The following ARHGAP24 variants were observed in gnomAD, a reference collection of about 807,000 sequenced individuals.
The protein encoded by ARHGAP24 is rho GTPase-activating protein 24.
Under a neutral mutation model 76.4 loss-of-function variants are expected in ARHGAP24, and 50 were observed. The ratio of observed to expected loss-of-function variants is 0.65; its 90% CI spans 0.52 to 0.83. The LOEUF is 0.83. Among genes scored for constraint, ARHGAP24 ranks in the 40% least tolerant of loss-of-function variants. The pLI, the probability that ARHGAP24 is intolerant of heterozygous loss-of-function variation, is 0.00. For missense variants in ARHGAP24, 930 were observed against 914.2 expected (o/e 1.02, Z -0.22); for synonymous variants, 345 against 323.3 (o/e 1.07, Z -0.72).
intron 3 of ARHGAP24, among the ~76,000 whole-genome samples, chr4:85,798,037 A>G (rs762279686): frequency 2.7e-5 from 4 of 147,832 alleles, no homozygotes; most frequent in Non-Finnish European, 4.5e-5. Flanking sequence ...AAAGTCATCC[A>G]GCTTAGTCAA....
At chr4:85,732,873 T>C (rs1226782443) in intron 3 of ARHGAP24, among the ~76,000 whole-genome samples, 1 of 150,796 alleles carries the variant, frequency 6.6e-6, no homozygotes, top group Non-Finnish European at 1.5e-5. Context: ...TTGTATTTTT[T>C]TTTTTTTAGT....
rs72979947 is a variant in ARHGAP24 at position 85,582,703 on chromosome 4, A to G, written c.180+11982A>G. On this transcript the variant is annotated intron_variant, in intron 2 of 9. Transcript: ENST00000395184. ...AAATGTCAGATACTTTAATCGTTCA[A>G]CTCTTACTATTACACAACCTAGTAT... Among the ~76,000 whole-genome samples the G allele has an allele frequency of 6.2e-3, 938 of 152,166 alleles. 12 individuals carry two copies. The highest frequency in any genetic ancestry group is 0.022 in the African/African-American group (897 of 41,532).
chr4:85,969,712 G>T (rs1738846830), intron 5 of ARHGAP24, among the ~76,000 whole-genome samples: 1 of 152,106 alleles, frequency 6.6e-6, no homozygotes, highest in Non-Finnish European at 1.5e-5. Context: ...AGAAGGCTTT[G>T]ATGCACATGA....
intron 3 of ARHGAP24, among the ~76,000 whole-genome samples, chr4:85,893,975 G>A (rs1453907023): frequency 7.0e-6 from 1 of 143,536 alleles, no homozygotes; most frequent in South Asian, 2.5e-4. Flanking sequence ...GGGAGGGATA[G>A]CATTGGGAGA....
chr4:85,570,102 A>C (rs533627803), intron 1 of ARHGAP24, among the ~76,000 whole-genome samples: 1 of 152,210 alleles, frequency 6.6e-6, no homozygotes, highest in African/African-American at 2.4e-5. Context: ...AGTTCTACTT[A>C]GGGACAAAGA....
At position 85,768,336 on chromosome 4, in the gene ARHGAP24, T is replaced by C. The variant is rs907148696; in HGVS notation, c.268+46364T>C. Among the ~76,000 whole-genome samples, 13 of 152,162 alleles carry C rather than the reference T, an allele frequency of 8.5e-5. 1 individual carries two copies. The Middle Eastern group carries it at 0.01, about 119-fold the overall frequency. ...GGACTTAAGGAAACCATAAAATCAG[T>C]ATATATGAGCTCAAAGACAGAGTGA... is the stretch of plus-strand genomic sequence containing the variant. On this transcript the variant is annotated intron_variant, in intron 3 of 9. Coordinates refer to ENST00000395184, the MANE Select transcript of ARHGAP24 (RefSeq NM_001025616.3).
intron 3 of ARHGAP24, among the ~76,000 whole-genome samples, chr4:85,916,109 A>G (rs1703856441): frequency 6.6e-6 from 1 of 152,162 alleles, no homozygotes. Flanking sequence ...AATGATCGCC[A>G]TTCTAACTGG....
intron 3 of ARHGAP24, among the ~76,000 whole-genome samples, chr4:85,918,049 A>G (rs1410418527): frequency 2.6e-5 from 4 of 152,116 alleles, no homozygotes; most frequent in African/African-American, 9.7e-5. Context: ...GAATAAATAC[A>G]TAGTAGAGCA....
chr4:85,938,756 G>A (rs888171323), intron 4 of ARHGAP24, among the ~76,000 whole-genome samples: 2 of 151,672 alleles, frequency 1.3e-5, no homozygotes, highest in Admixed American at 6.6e-5. Context: ...TGTATTAAAG[G>A]CATCAGCTTT....
At chr4:85,861,635 C>G (rs1560678622) in intron 3 of ARHGAP24, among the ~76,000 whole-genome samples, 1 of 152,046 alleles carries the variant, frequency 6.6e-6, no homozygotes, top group Non-Finnish European at 1.5e-5. Flanking sequence ...ATTATTCTCC[C>G]TTATTTCTTT....
At chr4:85,633,283 A>G (rs1721216936) in intron 2 of ARHGAP24, among the ~76,000 whole-genome samples, 2 of 151,884 alleles carry the variant, frequency 1.3e-5, no homozygotes, top group Admixed American at 6.6e-5. Context: ...ACACATGGGG[A>G]TGACATGTGT....
chr4:85,956,982 G>A (rs1035385731), intron 5 of ARHGAP24, among the ~76,000 whole-genome samples: 10 of 152,150 alleles, frequency 6.6e-5, no homozygotes, highest in Admixed American at 5.2e-4. Flanking sequence ...AGTCCCTCCC[G>A]CTGTGCTCTC....
intron 2 of ARHGAP24, among the ~76,000 whole-genome samples, chr4:85,632,042 A>G (rs563865628): frequency 5.6e-4 from 85 of 152,160 alleles, no homozygotes; most frequent in African/African-American, 1.9e-3. Flanking sequence ...TCTTGAACTT[A>G]TATTTTAATA....
chr4:85,902,796 T>C (rs984141864), intron 3 of ARHGAP24, among the ~76,000 whole-genome samples: 7 of 152,036 alleles, frequency 4.6e-5, no homozygotes, highest in African/African-American at 1.7e-4. Flanking sequence ...TAAAGACGAG[T>C]TTTTGCCATG....
intron 3 of ARHGAP24, among the ~76,000 whole-genome samples, chr4:85,865,605 CATT>C (rs1377692342): frequency 6.8e-6 from 1 of 147,668 alleles, no homozygotes; most frequent in African/African-American, 2.5e-5. Context: ...TAAAATCATG[CATT>C]ATAATTAGGG....
intron 1 of ARHGAP24, among the ~76,000 whole-genome samples, chr4:85,478,335 T>A (rs1722682335): frequency 6.6e-6 from 1 of 152,232 alleles, no homozygotes; most frequent in South Asian, 2.1e-4. Flanking sequence ...AGTGGAAGCC[T>A]CACATCGAGT....
chr4:85,875,824 C>T (rs950343545), intron 3 of ARHGAP24, among the ~76,000 whole-genome samples: 2 of 150,522 alleles, frequency 1.3e-5, no homozygotes, highest in Admixed American at 1.3e-4. Context: ...TCAGTGCAAC[C>T]TGTGCATCCC....
rs1466895674 is a variant in ARHGAP24, at chr4:85,994,615, A to G, written c.961A>G (p.Met321Val). Residue 321 changes from methionine to valine, a missense_variant, in exon 9 of 10, where the codon ATG (methionine) becomes GTG (valine). Met to Val is a conservative substitution (Grantham distance 21). Coordinates refer to ENST00000395184, the MANE Select transcript of ARHGAP24 (RefSeq NM_001025616.3). ...GGTGGTCCAGCAGTTGATGTCAGTG[A>G]TGATTAGCAAACATGATTGCCTCTT... ...TVVVQQLMSV[M>V]ISKHDCLFPK... 3 of 1,614,080 alleles carry G rather than the reference A, an allele frequency of 1.9e-6. No individual in the cohort carries two copies. The African/African-American group carries it at 4.0e-5, about 22-fold the overall frequency.
chr4:85,830,206 A>G (rs1363707295), intron 3 of ARHGAP24, among the ~76,000 whole-genome samples: 1 of 152,184 alleles, frequency 6.6e-6, no homozygotes, highest in African/African-American at 2.4e-5. Flanking sequence ...TCATTTGCTG[A>G]ACCTTCTTTC....
Sources: allele counts gnomAD v4.1 joint callset (sites outside exome capture counted in the v4.1 genomes callset), GRCh38; gene constraint gnomAD v4.1.1; transcripts MANE v1.5; gene names NCBI Gene and HGNC (gene_info 2026-07-23, HGNC 2026-07-21).